ICA1: variants seen among roughly 807,000 people sequenced by gnomAD.
ICA1 encodes 69 kDa islet cell autoantigen.
A neutral mutation model predicts 71.0 loss-of-function variants in ICA1; 40 were observed. The observed-to-expected ratio is 0.56, with a 90% CI of 0.44 to 0.73. The LOEUF is 0.73. Ranked by LOEUF, ICA1 falls within the 30% of genes least tolerant of loss-of-function variation. The pLI is 0.00. For synonymous variants in ICA1, 207 were observed against 209.5 expected (o/e 0.99, Z 0.10); for missense variants, 578 against 576.5 (o/e 1.00, Z -0.03).
chr7:8,186,246 G>T (rs938837513), intron 6 of ICA1, among the ~76,000 whole-genome samples: 2 of 152,196 alleles, frequency 1.3e-5, no homozygotes, highest in Non-Finnish European at 2.9e-5. Context: ...ACAATTTATT[G>T]TCCAAACAGG....
chr7:8,210,292 G>A (rs1793209219), intron 6 of ICA1, among the ~76,000 whole-genome samples: 1 of 152,192 alleles, frequency 6.6e-6, no homozygotes, highest in African/African-American at 2.4e-5. Flanking sequence ...AGCAGCTGAG[G>A]ATCAGCCTCT....
intron 7 of ICA1, chr7:8,158,302 A>C: frequency 1.9e-6 from 1 of 513,442 alleles, no homozygotes; most frequent in Non-Finnish European, 3.4e-6. Context: ...GGGACCCCAT[A>C]AGTAAATGTA....
intron 2 of ICA1, among the ~76,000 whole-genome samples, 190 bp from the exon 3 acceptor site, chr7:8,232,945 T>G (rs552395094): frequency 6.6e-6 from 1 of 152,312 alleles, no homozygotes; most frequent in Non-Finnish European, 1.5e-5. Flanking sequence ...CTCAAAAACC[T>G]TAAAAGTCAG....
intron 6 of ICA1, among the ~76,000 whole-genome samples, chr7:8,213,627 T>C (rs1223834388): frequency 3.3e-5 from 5 of 152,168 alleles, no homozygotes. Flanking sequence ...CAAAAACCAA[T>C]GATTTCAGCA....
intron 13 of ICA1, chr7:8,116,335 A>AT (rs1784788692): frequency 1.3e-5 from 2 of 152,296 alleles, no homozygotes; most frequent in East Asian, 3.9e-4. Context: ...CTAATATTCA[A>AT]AACCAGAGCA....
chr7:8,121,027 G>A lies in ICA1; in HGVS notation c.1330+6846C>T, dbSNP rs1319763073. ...CCCCTCAGGCCTAGTTTCCATGCCT[G>A]CAAGGGGTAGATAAAATGTCCTGCT... is the stretch of plus-strand genomic sequence containing the variant. On this transcript the variant is annotated intron_variant, in intron 13 of 13. Transcript: ENST00000402384. Among the ~76,000 whole-genome samples, 3 of 152,202 alleles carry A rather than the reference G, an allele frequency of 2.0e-5. No individual in the cohort carries two copies. In the East Asian group the frequency reaches 5.8e-4, roughly 29 times the overall value.
chr7:8,188,161 T>C (rs1434400095), intron 6 of ICA1, among the ~76,000 whole-genome samples: 2 of 152,232 alleles, frequency 1.3e-5, no homozygotes, highest in South Asian at 2.1e-4. Flanking sequence ...GTTATTTATA[T>C]GAAAAGAAAA....
At chr7:8,140,595 TC>T (rs1794878047) in intron 10 of ICA1, among the ~76,000 whole-genome samples, 1 of 152,220 alleles carries the variant, frequency 6.6e-6, no homozygotes. Context: ...GTCAGCCTCA[TC>T]CTGGAAGGGA....
intron 4 of ICA1, among the ~76,000 whole-genome samples, chr7:8,228,193 A>C (rs1799197773): frequency 6.6e-6 from 1 of 152,222 alleles, no homozygotes; most frequent in Non-Finnish European, 1.5e-5. Context: ...TTCATGAAGA[A>C]ATGTTGTCAA....
chr7:8,204,000 C>T (rs939042249), intron 6 of ICA1, among the ~76,000 whole-genome samples: 3 of 151,372 alleles, frequency 2.0e-5, no homozygotes, highest in Admixed American at 2.0e-4. Flanking sequence ...TAAGGTAGAA[C>T]AGAAATGTGA....
intron 8 of ICA1, among the ~76,000 whole-genome samples, chr7:8,154,459 CACACTCAGAAT>C (rs1800800147): frequency 6.6e-6 from 1 of 152,168 alleles, no homozygotes; most frequent in South Asian, 2.1e-4. Context: ...CAATTACCAA[CACACTCAGAAT>C]ACACCCTGAA....
rs1802693554 is a variant in ICA1 at position 8,238,749 on chromosome 7, TG to T, written c.-79-2745del. Reference sequence around the variant, plus strand: ...AGTTAACAAAAATTGCTGAGCAAATTGCCCCTTCTACCTAGATTTCCAGGCT... The same window carrying T: ...AGTTAACAAAAATTGCTGAGCAAATTCCCCTTCTACCTAGATTTCCAGGCT... On this transcript the variant is annotated intron_variant, in intron 1 of 13. Transcript: ENST00000402384. Among the ~76,000 whole-genome samples the T allele has an allele frequency of 2.0e-5, 3 of 152,336 alleles. No homozygotes were observed. In the South Asian group the frequency reaches 6.2e-4, roughly 32 times the overall value.
chr7:8,194,285 CA>C (rs1159812016), intron 6 of ICA1, among the ~76,000 whole-genome samples: 1 of 152,008 alleles, frequency 6.6e-6, no homozygotes, highest in African/African-American at 2.4e-5. Context: ...TTGGAGAGAC[CA>C]AATGTAATAA....
chr7:8,262,300 G>C (rs1812835852), upstream of ICA1: 1 of 151,854 alleles, frequency 6.6e-6, no homozygotes, highest in African/African-American at 2.4e-5. Context: ...CGGGGGGTGC[G>C]GGCGCCCTCG....
intron 7 of ICA1, 116 bp from the exon 8 acceptor site, chr7:8,157,330 C>T (rs920878349): frequency 4.0e-6 from 4 of 1,005,048 alleles, no homozygotes; most frequent in Non-Finnish European, 5.7e-6. Context: ...GATTCTAACT[C>T]ATTTCCATGC....
At chr7:8,245,650 AT>A (rs1805710459) in intron 1 of ICA1, among the ~76,000 whole-genome samples, 1 of 152,198 alleles carries the variant, frequency 6.6e-6, no homozygotes, top group African/African-American at 2.4e-5. Context: ...ATGTTTATAT[AT>A]TTTAACCCAA....
intron 13 of ICA1, 191 bp from the exon 14 acceptor site, chr7:8,114,235 C>T (rs1450792290): frequency 1.7e-6 from 1 of 599,156 alleles, no homozygotes. Flanking sequence ...ATTTCCAAAC[C>T]AGGGCCTGAA....
chr7:8,227,626 A>G, intron 4 of ICA1: 1 of 292,888 alleles, frequency 3.4e-6, no homozygotes, highest in Admixed American at 4.5e-5. Flanking sequence ...TTTTTTTTCT[A>G]AGAGATCTCA....
Position 8,241,013 on chromosome 7 carries a change from T to C in ICA1, c.-79-5008A>G, listed in dbSNP as rs565678859. Among the ~76,000 whole-genome samples, 4 of 152,232 alleles carry C rather than the reference T, an allele frequency of 2.6e-5. No homozygotes were observed. The South Asian group carries it at 8.3e-4, about 32-fold the overall frequency. ...TCTTCAGGATATTATCCAGGAGAAT[T>C]TCCCCAACCTAGCAAGGCAGGCCAA... On this transcript the variant is annotated intron_variant, in intron 1 of 13. Coordinates refer to ENST00000402384, the MANE Select transcript of ICA1 (RefSeq NM_001136020.3).
Sources: gnomAD v4.1 joint callset for allele counts (sites outside exome capture counted in the v4.1 genomes callset) on GRCh38, gnomAD v4.1.1 for gene constraint, MANE v1.5 for transcripts, NCBI Gene and HGNC (gene_info 2026-07-23, HGNC 2026-07-21) for gene names.